The following GOLM2 variants were observed in gnomAD, a reference collection of about 807,000 sequenced individuals.
The protein encoded by GOLM2 is golgi membrane protein 2.
GOLM2 carries 26 observed loss-of-function variants against 55.9 expected under a neutral mutation model. The ratio of observed to expected loss-of-function variants is 0.47; its 90% CI spans 0.34 to 0.65. The LOEUF is 0.65. Ranked by LOEUF, GOLM2 falls within the 30% of genes least tolerant of loss-of-function variation. GOLM2 has a pLI of 0.01. For missense variants in GOLM2, 486 were observed against 531.8 expected (o/e 0.91, Z 0.85); for synonymous variants, 165 against 194.6 (o/e 0.85, Z 1.27).
At chr15:44,328,847 T>G (rs1269359117) in intron 3 of GOLM2, 60 bp downstream of exon 3, 2 of 1,076,076 alleles carry the variant, frequency 1.9e-6, no homozygotes, top group African/African-American at 3.3e-5. Flanking sequence ...GCTTTTGGAC[T>G]CAGTTCATTT....
chr15:44,337,145 A>G (rs2079062897), intron 4 of GOLM2, among the ~76,000 whole-genome samples: 2 of 152,104 alleles, frequency 1.3e-5, no homozygotes, highest in South Asian at 2.1e-4. Context: ...GGCAAACTTA[A>G]TACTGGTCCA....
chr15:44,379,624 T>G, intron 6 of GOLM2, 66 bp from the exon 7 acceptor site: 2 of 666,940 alleles, frequency 3.0e-6, no homozygotes, highest in Non-Finnish European at 4.8e-6. Flanking sequence ...GGTGGTTTTT[T>G]TTTTTTTTTT....
chr15:44,338,509 A>G (rs1474978407), intron 6 of GOLM2, among the ~76,000 whole-genome samples, 192 bp downstream of exon 6: 1 of 152,214 alleles, frequency 6.6e-6, no homozygotes, highest in Non-Finnish European at 1.5e-5. Flanking sequence ...GCTAAGATGT[A>G]TAAAATACTT....
intron 6 of GOLM2, among the ~76,000 whole-genome samples, chr15:44,364,936 G>T (rs1301847822): frequency 6.6e-6 from 1 of 152,196 alleles, no homozygotes; most frequent in Non-Finnish European, 1.5e-5. Context: ...TGTGTTGCTG[G>T]TGAGAATGCA....
chr15:44,344,077 T>C (rs983744308), intron 6 of GOLM2, among the ~76,000 whole-genome samples: 1 of 151,302 alleles, frequency 6.6e-6, no homozygotes, highest in African/African-American at 2.4e-5. Context: ...CTGAGCAACA[T>C]GATGAAACCC....
intron 1 of GOLM2, among the ~76,000 whole-genome samples, chr15:44,309,389 T>C (rs1165494724): frequency 1.3e-5 from 2 of 152,192 alleles, no homozygotes; most frequent in African/African-American, 2.4e-5. Context: ...TGGAGATCAA[T>C]GTATATAAGC....
intron 1 of GOLM2, among the ~76,000 whole-genome samples, chr15:44,302,728 T>G (rs1389446035): frequency 6.6e-6 from 1 of 152,064 alleles, no homozygotes; most frequent in Non-Finnish European, 1.5e-5. Flanking sequence ...AGGACTTAAG[T>G]GATCTGCCGG....
intron 6 of GOLM2, among the ~76,000 whole-genome samples, chr15:44,375,310 C>T (rs1214357085): frequency 6.6e-6 from 1 of 152,164 alleles, no homozygotes; most frequent in African/African-American, 2.4e-5. Flanking sequence ...TGAGCCACCC[C>T]ACCTGACCGA....
chr15:44,337,069 A>G (rs2141145768), intron 4 of GOLM2, among the ~76,000 whole-genome samples: 1 of 152,292 alleles, frequency 6.6e-6, no homozygotes, highest in East Asian at 1.9e-4. Context: ...TGTTGACTAG[A>G]GGAACCTGTA....
intron 6 of GOLM2, among the ~76,000 whole-genome samples, chr15:44,347,725 G>A (rs2079134948): frequency 6.6e-6 from 1 of 152,176 alleles, no homozygotes; most frequent in African/African-American, 2.4e-5. Context: ...AGCAGCCAGG[G>A]TGACTAAGGA....
chr15:44,303,894 C>T (rs537618690), intron 1 of GOLM2, among the ~76,000 whole-genome samples: 1 of 151,912 alleles, frequency 6.6e-6, no homozygotes, highest in African/African-American at 2.4e-5. Flanking sequence ...CACCACCAGG[C>T]CTGGCTGATT....
intron 1 of GOLM2, among the ~76,000 whole-genome samples, chr15:44,302,278 G>C (rs923139069): frequency 4.6e-5 from 7 of 150,856 alleles, no homozygotes; most frequent in African/African-American, 1.7e-4. Flanking sequence ...CCAAGTAGCT[G>C]GGACTACATG....
intron 2 of GOLM2, among the ~76,000 whole-genome samples, chr15:44,325,058 A>C (rs780375039): frequency 2.6e-5 from 4 of 152,186 alleles, no homozygotes; most frequent in Non-Finnish European, 4.4e-5. Flanking sequence ...GTACATGTGC[A>C]GGATGTGCAG....
chr15:44,352,915 A>G lies in GOLM2; in HGVS notation c.802+14598A>G, dbSNP rs111937921. On this transcript the variant is annotated intron_variant, in intron 6 of 9. Transcript: ENST00000299957. ...GAGCAAAACTCCATCTCAAAAAAAAAAAAAGAAAAGAAAAGAAAAGTGAAG... is the reference window on the plus strand; with the variant it reads ...GAGCAAAACTCCATCTCAAAAAAAAGAAAAGAAAAGAAAAGAAAAGTGAAG... 3.2e-4 allele frequency among the ~76,000 whole-genome samples: 49 copies of G among 151,964 alleles called. No individual in the cohort carries two copies. The East Asian group carries it at 4.2e-3, about 13-fold the overall frequency.
rs185673856 is a variant in GOLM2, at chr15:44,311,339, A to G, written c.328-11626A>G. On this transcript the variant is annotated intron_variant, in intron 1 of 9. Transcript: ENST00000299957. Reference sequence around the variant, plus strand: ...CTAAGAGGAAAAACATTTTTCCCCAAAAATGTTGGGGAAATGCCTCCAATT... The same window carrying G: ...CTAAGAGGAAAAACATTTTTCCCCAGAAATGTTGGGGAAATGCCTCCAATT... Among the ~76,000 whole-genome samples the G allele has an allele frequency of 2.0e-5, 3 of 152,264 alleles. 1 individual carries two copies. Among genetic ancestry groups the G allele is most frequent in the African/African-American group, 7.2e-5 (3 of 41,556 alleles).
chr15:44,311,723 C>T (rs2078876537), intron 1 of GOLM2, among the ~76,000 whole-genome samples: 1 of 152,144 alleles, frequency 6.6e-6, no homozygotes, highest in Admixed American at 6.5e-5. Context: ...GATCTTGGCT[C>T]ACTGCAACCT....
chr15:44,368,327 C>T (rs201640225), intron 6 of GOLM2, among the ~76,000 whole-genome samples: 13,388 of 121,218 alleles, frequency 0.11, 1,168 homozygotes, highest in African/African-American at 0.27. Context: ...TTTTTTTGTA[C>T]TTTTATTAGA....
intron 8 of GOLM2, among the ~76,000 whole-genome samples, chr15:44,399,621 C>G (rs1241526860): frequency 6.6e-6 from 1 of 152,172 alleles, no homozygotes; most frequent in Non-Finnish European, 1.5e-5. Flanking sequence ...CCATGTCTGA[C>G]AATATTAGTA....
intron 3 of GOLM2, among the ~76,000 whole-genome samples, chr15:44,329,049 A>G (rs986021783): frequency 9.2e-5 from 14 of 152,194 alleles, no homozygotes; most frequent in African/African-American, 3.4e-4. Context: ...TGTGAGAGAA[A>G]ATCTTACAAG....
Sources: gnomAD v4.1 joint callset for allele counts (sites outside exome capture counted in the v4.1 genomes callset) on GRCh38, gnomAD v4.1.1 for gene constraint, MANE v1.5 for transcripts, NCBI Gene and HGNC (gene_info 2026-07-23, HGNC 2026-07-21) for gene names.